Variants in ANKRD31 observed in about 807,000 individuals in gnomAD.
ANKRD31 encodes ankyrin repeat domain-containing protein 31.
In ANKRD31, 147 loss-of-function variants were observed where a neutral mutation model predicts 186.0. The ratio of observed to expected loss-of-function variants is 0.79; its 90% CI spans 0.69 to 0.91. ANKRD31 has a LOEUF of 0.91. Among genes scored for constraint, ANKRD31 ranks in the 40% least tolerant of loss-of-function variants. ANKRD31 has a pLI of 0.00. For missense variants in ANKRD31, 1,986 were observed against 2,148.8 expected (o/e 0.92, Z 1.50); for synonymous variants, 673 against 736.4 (o/e 0.91, Z 1.39).
intron 10 of ANKRD31, 125 bp downstream of exon 10, chr5:75,188,368 A>G: frequency 1.1e-6 from 1 of 920,380 alleles, no homozygotes; most frequent in South Asian, 2.2e-5. Context: ...TTCAACAGGA[A>G]AATGATCTGA....
At chr5:75,170,025 T>A (rs560743499) in intron 10 of ANKRD31, among the ~76,000 whole-genome samples, 20 of 152,030 alleles carry the variant, frequency 1.3e-4, no homozygotes, top group African/African-American at 4.8e-4. Context: ...TATTACTGAG[T>A]TTTGACGAAG....
At chr5:75,183,507 T>C (rs1754475758) in intron 10 of ANKRD31, among the ~76,000 whole-genome samples, 2 of 152,246 alleles carry the variant, frequency 1.3e-5, no homozygotes, top group African/African-American at 4.8e-5. Flanking sequence ...TGGTCTTATA[T>C]ATAGAAAGCC....
chr5:75,084,630 C>T (rs1288514558), intron 23 of ANKRD31, among the ~76,000 whole-genome samples: 1 of 152,180 alleles, frequency 6.6e-6, no homozygotes, highest in African/African-American at 2.4e-5. Context: ...ACAGACCACA[C>T]GTCCATGAAG....
intron 24 of ANKRD31, among the ~76,000 whole-genome samples, chr5:75,083,125 A>T (rs962466836): frequency 6.6e-6 from 1 of 152,230 alleles, no homozygotes; most frequent in Non-Finnish European, 1.5e-5. Flanking sequence ...TTTATGTTTC[A>T]TATACACCTA....
In ANKRD31 at chr5:75,118,010, G is replaced by C. The variant is rs2150082830; in HGVS notation, c.4039+125C>G. The stretch of plus-strand genomic sequence containing the variant: ...TTTCTAAAAATAAATAATGGCTTTT[G>C]AAGAGTTTAATAAACATAGGACACA... On this transcript the variant is annotated intron_variant, in intron 18 of 25. Transcript: ENST00000506364. 4.2e-6 allele frequency: 3 copies of C among 715,084 alleles called. No homozygotes were observed. In the East Asian group the frequency reaches 1.0e-4, roughly 25 times the overall value. The allele number at this position is 715,084 out of a possible 1,614,324, so 44.3% of individuals were successfully genotyped here.
chr5:75,072,892 T>C (rs559920225), intron 25 of ANKRD31, among the ~76,000 whole-genome samples: 6 of 152,304 alleles, frequency 3.9e-5, no homozygotes, highest in African/African-American at 1.4e-4. Flanking sequence ...GAAATATCCA[T>C]ACGTTAAGGT....
intron 25 of ANKRD31, among the ~76,000 whole-genome samples, chr5:75,068,928 T>TA (rs56211409): frequency 0.22 from 33,934 of 152,132 alleles, 3,947 homozygotes; most frequent in South Asian, 0.4. Context: ...AAGGTAGTGG[T>TA]ACAAGCTCCT....
At chr5:75,225,233 A>G (rs899478518) in intron 2 of ANKRD31, among the ~76,000 whole-genome samples, 123 of 152,330 alleles carry the variant, frequency 8.1e-4, no homozygotes, top group African/African-American at 2.8e-3. Context: ...ATATTTTGTA[A>G]TAGTATTGAA....
At chr5:75,077,748 A>AC in intron 25 of ANKRD31, among the ~76,000 whole-genome samples, 1 of 152,060 alleles carries the variant, frequency 6.6e-6, no homozygotes, top group Admixed American at 6.5e-5. Context: ...ACACAGTGAA[A>AC]CCCCGTCTCT....
At chr5:75,143,934 T>C in intron 15 of ANKRD31, 67 bp downstream of exon 15, 1 of 395,494 alleles carries the variant, frequency 2.5e-6, no homozygotes, top group Non-Finnish European at 4.5e-6. Flanking sequence ...AGAAATTCCT[T>C]GAAGTAGAGT....
chr5:75,099,623 T>C (rs1746648320), intron 22 of ANKRD31, among the ~76,000 whole-genome samples: 3 of 152,230 alleles, frequency 2.0e-5, no homozygotes, highest in Admixed American at 2.0e-4. Flanking sequence ...GTTATTGGTC[T>C]ATTCAGGGAT....
intron 22 of ANKRD31, among the ~76,000 whole-genome samples, chr5:75,098,014 G>A (rs539708353): frequency 1.1e-4 from 17 of 151,264 alleles, no homozygotes; most frequent in African/African-American, 3.6e-4. Context: ...TCCATTGGTC[G>A]TCTATATCTC....
At chr5:75,113,261 T>C (rs1192048841) in intron 19 of ANKRD31, among the ~76,000 whole-genome samples, 1 of 152,156 alleles carries the variant, frequency 6.6e-6, no homozygotes, top group East Asian at 1.9e-4. Context: ...CTGAATTCTA[T>C]AACACATGAA....
chr5:75,167,777 C>G (rs554760264), intron 11 of ANKRD31, among the ~76,000 whole-genome samples: 1 of 151,998 alleles, frequency 6.6e-6, no homozygotes, highest in African/African-American at 2.4e-5. Flanking sequence ...GGCAAAGGAA[C>G]AAATAGGAAA....
intron 15 of ANKRD31, among the ~76,000 whole-genome samples, chr5:75,142,379 G>C (rs1177707497): frequency 6.6e-6 from 1 of 151,472 alleles, no homozygotes; most frequent in African/African-American, 2.4e-5. Flanking sequence ...TTTGTCCTTA[G>C]TAGACTTGTA....
chr5:75,112,378 A>T (rs1212875893), intron 20 of ANKRD31, 135 bp downstream of exon 20: 2 of 537,580 alleles, frequency 3.7e-6, no homozygotes, highest in East Asian at 6.4e-5. Flanking sequence ...AATAATTCCT[A>T]GCACTTTAAA....
chr5:75,233,997 CAG>C (rs1387321246), intron 1 of ANKRD31, among the ~76,000 whole-genome samples: 2 of 152,148 alleles, frequency 1.3e-5, no homozygotes, highest in East Asian at 3.9e-4. Context: ...GAAATTATCT[CAG>C]AGTTATTTGC....
intron 10 of ANKRD31, among the ~76,000 whole-genome samples, chr5:75,182,720 A>T (rs941870175): frequency 3.6e-5 from 5 of 140,732 alleles, no homozygotes; most frequent in Non-Finnish European, 7.8e-5. Context: ...AGTCCAACTT[A>T]AAAAAAAAAA....
chr5:75,223,003 C>G (rs1757398099), intron 2 of ANKRD31, among the ~76,000 whole-genome samples: 1 of 152,176 alleles, frequency 6.6e-6, no homozygotes. Context: ...GTTCTAGATA[C>G]TTGAGGAATC....
Sources: gnomAD v4.1 joint callset for allele counts (sites outside exome capture counted in the v4.1 genomes callset) on GRCh38, gnomAD v4.1.1 for gene constraint, MANE v1.5 for transcripts, NCBI Gene and HGNC (gene_info 2026-07-23, HGNC 2026-07-21) for gene names.